Variants in PRELID2 observed in about 807,000 individuals in gnomAD.
PRELID2 encodes the protein PRELI domain containing 2, also known as PRELI domain-containing protein 2.
PRELID2 carries 25 observed loss-of-function variants against 28.4 expected under a neutral mutation model. The observed-to-expected ratio is 0.88, with a 90% confidence interval of 0.64 to 1.23. PRELID2 has a LOEUF of 1.23. PRELID2 is among the 50% of genes most tolerant of loss of function. The pLI is 0.00. For synonymous variants in PRELID2, 76 were observed against 71.6 expected, an observed-to-expected ratio of 1.06 and a Z score of -0.31; for missense variants, 201 against 214.4, an observed-to-expected ratio of 0.94 and a Z score of 0.39.
At chr5:145,234,486 T>C in the PRELID2 span, among the ~76,000 whole-genome samples, 2 of 152,082 alleles carry the variant, frequency 1.3e-5, no homozygotes, top group Non-Finnish European at 2.9e-5. Flanking sequence ...AGTACTTCCT[T>C]ATAAAGAAAG....
the PRELID2 span, among the ~76,000 whole-genome samples, chr5:145,395,686 T>A: frequency 6.6e-6 from 1 of 152,164 alleles, no homozygotes; most frequent in Non-Finnish European, 1.5e-5. Context: ...TCTCCACATT[T>A]GTTGTTATTT....
chr5:145,392,406 C>T, the PRELID2 span, among the ~76,000 whole-genome samples: 7 of 152,056 alleles, frequency 4.6e-5, no homozygotes, highest in Admixed American at 3.3e-4. Flanking sequence ...GAGTAACCAC[C>T]TCCATGATTC....
the PRELID2 span, among the ~76,000 whole-genome samples, chr5:145,410,785 C>T: frequency 6.6e-6 from 1 of 151,964 alleles, no homozygotes; most frequent in Non-Finnish European, 1.5e-5. Context: ...ACTGCACTCC[C>T]GAATCTCATG....
chr5:145,743,521 T>C (rs184140596), intron 1 of PRELID2, among the ~76,000 whole-genome samples: 45 of 151,692 alleles, frequency 3.0e-4, no homozygotes, highest in African/African-American at 1.1e-3. Flanking sequence ...CAGAACTGAC[T>C]AGGAGGCTGG....
the PRELID2 span, among the ~76,000 whole-genome samples, chr5:145,247,225 A>G: frequency 2.0e-5 from 3 of 152,090 alleles, no homozygotes; most frequent in Non-Finnish European, 1.5e-5. Context: ...AACGTGACCA[A>G]TCATCACTCC....
rs1561643673 is a variant in PRELID2, at chr5:145,817,203, ATAAAT to A, written c.368+686_368+690del. On this transcript the variant is annotated intron_variant, in intron 4 of 6. Transcript: ENST00000683046. The stretch of plus-strand genomic sequence containing the variant: ...AAGACTGCATTTCAAAAAAAAATAA[ATAAAT>A]AAATAAAAAAAAATATATATATATA... Among the ~76,000 whole-genome samples the A allele has an allele frequency of 9.9e-3, 788 of 79,760 alleles. 45 individuals are homozygous for A. Among genetic ancestry groups the A allele is most frequent in the African/African-American group, 0.024 (605 of 24,978 alleles). The allele number at this position is 79,760 out of a possible 152,430, so 52.3% of individuals were successfully genotyped here. A position where few individuals can be genotyped will look rare whatever the true frequency, so the allele number is the denominator to read the frequency against.
intron 5 of PRELID2, among the ~76,000 whole-genome samples, chr5:145,778,120 T>C (rs936666237): frequency 1.3e-5 from 2 of 152,146 alleles, no homozygotes; most frequent in African/African-American, 4.8e-5. Flanking sequence ...TGGTGCACAC[T>C]TTCTCCCCTC....
chr5:145,567,025 T>C (rs1752972879), intron 1 of PRELID2, among the ~76,000 whole-genome samples: 1 of 152,196 alleles, frequency 6.6e-6, no homozygotes, highest in South Asian at 2.1e-4. Context: ...CTTCCAATTA[T>C]ATCCTTCTAT....
At chr5:145,261,788 CA>C in the PRELID2 span, among the ~76,000 whole-genome samples, 1 of 152,148 alleles carries the variant, frequency 6.6e-6, no homozygotes, top group South Asian at 2.1e-4. Context: ...AGGTTTTTAA[CA>C]CCCCCAAAAG....
chr5:145,704,172 A>G (rs1463441666), intron 1 of PRELID2: 3 of 152,212 alleles, frequency 2.0e-5, no homozygotes, highest in African/African-American at 7.2e-5. Flanking sequence ...ATGCCAGCCC[A>G]GATTGGCATG....
intron 1 of PRELID2, among the ~76,000 whole-genome samples, chr5:145,578,108 T>C (rs1038999014): frequency 3.3e-5 from 5 of 152,152 alleles, no homozygotes; most frequent in Non-Finnish European, 4.4e-5. Context: ...TTAGCTGATA[T>C]CTGGACAATT....
chr5:145,272,124 G>T, the PRELID2 span, among the ~76,000 whole-genome samples: 1 of 151,784 alleles, frequency 6.6e-6, no homozygotes, highest in Admixed American at 6.6e-5. Context: ...ATCTACCTTA[G>T]AACTGTACTA....
intron 1 of PRELID2, among the ~76,000 whole-genome samples, chr5:145,651,043 C>T (rs1303749952): frequency 6.6e-6 from 1 of 152,142 alleles, no homozygotes; most frequent in East Asian, 1.9e-4. Flanking sequence ...CCTGGAAAAT[C>T]GGGTCACTCT....
At chr5:145,651,219 T>C (rs1441860493) in intron 1 of PRELID2, among the ~76,000 whole-genome samples, 1 of 152,126 alleles carries the variant, frequency 6.6e-6, no homozygotes, top group Non-Finnish European at 1.5e-5. Flanking sequence ...GAGAGGTGCC[T>C]GCCATTGCTG....
chr5:145,641,950 C>T (rs59545623), intron 1 of PRELID2, among the ~76,000 whole-genome samples: 33,167 of 152,056 alleles, frequency 0.22, 6,815 homozygotes, highest in African/African-American at 0.54. Context: ...GTCTTTGCTA[C>T]TGTGAATAGT....
chr5:145,337,858 G>GATA, the PRELID2 span: 1 of 150,750 alleles, frequency 6.6e-6, no homozygotes, highest in Non-Finnish European at 1.5e-5. Flanking sequence ...CCAACACATG[G>GATA]ATGTGTTCTT....
intron 1 of PRELID2, among the ~76,000 whole-genome samples, chr5:145,702,761 A>C (rs1169699713): frequency 2.0e-5 from 3 of 152,182 alleles, no homozygotes; most frequent in African/African-American, 4.8e-5. Context: ...GAAAGGAATT[A>C]TCTTAAGTGA....
chr5:145,544,728 T>C (rs1752771331), intron 1 of PRELID2, among the ~76,000 whole-genome samples: 1 of 152,184 alleles, frequency 6.6e-6, no homozygotes, highest in Admixed American at 6.6e-5. Context: ...AGAACTATAA[T>C]GAGCTCTTAT....
At chr5:145,328,819 C>T in the PRELID2 span, among the ~76,000 whole-genome samples, 407 of 152,122 alleles carry the variant, frequency 2.7e-3, no homozygotes, top group African/African-American at 9.3e-3. Flanking sequence ...GTTGCCATTG[C>T]TTTTAGTGTT....
Sources: gnomAD v4.1 joint callset for allele counts (sites outside exome capture counted in the v4.1 genomes callset) on GRCh38, gnomAD v4.1.1 for gene constraint, MANE v1.5 for transcripts, NCBI Gene and HGNC (gene_info 2026-07-23, HGNC 2026-07-21) for gene names.